The following TAS1R1 variants were observed in gnomAD, a reference collection of about 807,000 sequenced individuals.
The protein encoded by TAS1R1 is taste 1 receptor member 1, also known as taste receptor type 1 member 1.
TAS1R1 carries 31 observed loss-of-function variants against 45.8 expected under a neutral mutation model. The observed-to-expected ratio is 0.68, with a 90% CI of 0.51 to 0.91. The LOEUF is 0.91. Among genes scored for constraint, TAS1R1 ranks in the 40% least tolerant of loss-of-function variants. The pLI is 0.00. For missense variants in TAS1R1, 1,051 were observed against 1,063.9 expected (o/e 0.99, Z 0.17); for synonymous variants, 437 against 448.4 (o/e 0.97, Z 0.32).
Position 6,579,382 on chromosome 1 carries a change from C to T in TAS1R1, c.2324C>T (p.Ala775Val), listed in dbSNP as rs1273654412. 4 of 1,613,812 alleles carry T rather than the reference C, an allele frequency of 2.5e-6. No individual in the cohort carries two copies. The African/African-American group carries it at 4.0e-5, about 16-fold the overall frequency. The change falls in exon 6 of 6, where the codon GCC becomes GTC. Residue 775 changes from alanine (A) to valine (V), a missense_variant. Transcript: ENST00000333172. ...SLLFNFVSWIAFFTTASVYDG... is the reference protein window; with the variant it reads ...SLLFNFVSWIVFFTTASVYDG... ...CTCTTCAACTTCGTGTCCTGGATCG[C>T]CTTCTTCACCACGGCCAGCGTCTAC...
At chr1:6,576,654 G>C in intron 4 of TAS1R1, 27 bp downstream of exon 4, 1 of 1,607,900 alleles carries the variant, frequency 6.2e-7, no homozygotes, top group Non-Finnish European at 8.5e-7. Flanking sequence ...TACTCACCAT[G>C]TAACTGGCTT....
At position 6,575,081 on chromosome 1, in the gene TAS1R1, C is replaced by T. The variant is rs374935092; in HGVS notation, c.949C>T (p.Arg317Cys). The change falls in exon 3 of 6, where the codon CGC (arginine) becomes TGC (cysteine). Residue 317 changes from arginine to cysteine, a missense_variant. Arg to Cys is a radical substitution (Grantham distance 180, BLOSUM62 -3). Transcript: ENST00000333172. ...RHITGVPGIQRIGMVLGVAIQ... is the reference protein window; with the variant it reads ...RHITGVPGIQCIGMVLGVAIQ... Reference sequence around the variant, plus strand: ...CATCACTGGGGTGCCCGGGATCCAGCGCATTGGGATGGTGCTGGGCGTGGC... The same window carrying T: ...CATCACTGGGGTGCCCGGGATCCAGTGCATTGGGATGGTGCTGGGCGTGGC... The T allele has an allele frequency of 6.9e-6, 11 of 1,589,052 alleles. No individual in the cohort carries two copies. The highest frequency in any genetic ancestry group is 1.3e-5 in the African/African-American group (1 of 74,320).
rs140193828 is a variant in TAS1R1, at chr1:6,575,388, G to A, written c.1256G>A (p.Trp419Ter). The change falls in exon 3 of 6, where the codon TGG (tryptophan) becomes TAG (stop). Residue 419 changes from tryptophan (W) to a stop codon, truncating the protein, a stop_gained. Transcript: ENST00000333172. LOFTEE classifies it high-confidence loss of function. ...TGTTCCAGGGGCCGAGTCTACCCCT[G>A]GCAGGTAAGAGAGCCCACCCCAGCA... ...GACSRGRVYP[W>*]QLLEQIHKVH... 1.8e-3 allele frequency: 2,772 copies of A among 1,560,080 alleles called. 6 individuals are homozygous for A. Among genetic ancestry groups the A allele is most frequent in the Non-Finnish European group, 2.2e-3 (2,579 of 1,155,482 alleles).
At chr1:6,571,260 T>C (rs776022950) in intron 2 of TAS1R1, 45 bp downstream of exon 2, 2 of 1,515,156 alleles carry the variant, frequency 1.3e-6, no homozygotes, top group Non-Finnish European at 1.8e-6. Flanking sequence ...TTCAGGCAAG[T>C]CTGGGCTGGG....
chr1:6,576,667 G>A (rs756859256), intron 4 of TAS1R1, 40 bp downstream of exon 4: 105 of 1,604,044 alleles, frequency 6.5e-5, no homozygotes, highest in Non-Finnish European at 3.4e-6. Flanking sequence ...ACTGGCTTAT[G>A]GGCAACCTAG....
chr1:6,575,485 G>A, intron 3 of TAS1R1, 93 bp downstream of exon 3: 1 of 1,370,930 alleles, frequency 7.3e-7, no homozygotes, highest in Non-Finnish European at 9.6e-7. Flanking sequence ...TAAATGCCAA[G>A]GGGGATAAAT....
chr1:6,568,594 G>C (rs1486686030), intron 1 of TAS1R1, among the ~76,000 whole-genome samples: 3 of 152,152 alleles, frequency 2.0e-5, no homozygotes, highest in African/African-American at 7.2e-5. Flanking sequence ...GTTTCTTTAA[G>C]TTTTTCAAAA....
chr1:6,562,679 C>A (rs1639810440), intron 1 of TAS1R1, among the ~76,000 whole-genome samples: 1 of 152,120 alleles, frequency 6.6e-6, no homozygotes, highest in African/African-American at 2.4e-5. Flanking sequence ...CGGACTTGAG[C>A]TTTAATAGGG....
At position 6,571,216 on chromosome 1, in the gene TAS1R1, GT is replaced by G; in HGVS notation, c.498+2del. 3 of 1,556,844 alleles carry G rather than the reference GT, an allele frequency of 1.9e-6. No individual in the cohort carries two copies. On this transcript the variant is annotated splice_donor_variant, in intron 2 of 5. Coordinates refer to ENST00000333172, the MANE Select transcript of TAS1R1 (RefSeq NM_138697.4). LOFTEE classifies it high-confidence loss of function. ...GCTGAGCCCTTTCCTGGTGCCCATG[GT>G]AAGCTGGAGCCTCAGACCTTTGCCC...
At chr1:6,575,659 C>T (rs1158305577) in intron 3 of TAS1R1, among the ~76,000 whole-genome samples, 1 of 151,436 alleles carries the variant, frequency 6.6e-6, no homozygotes, top group East Asian at 1.9e-4. Flanking sequence ...GCTGGGATTA[C>T]AGGCACCCAC....
chr1:6,565,169 G>A (rs1287944283), intron 1 of TAS1R1, among the ~76,000 whole-genome samples: 1 of 152,188 alleles, frequency 6.6e-6, no homozygotes, highest in East Asian at 1.9e-4. Context: ...CAGTACGGGA[G>A]TGGGTGGGAG....
rs528695181 is a variant in TAS1R1 at position 6,579,594 on chromosome 1, C to T, written c.*10C>T. On this transcript the variant is annotated 3_prime_UTR_variant, in exon 6 of 6. Coordinates refer to ENST00000333172, the MANE Select transcript of TAS1R1 (RefSeq NM_138697.4). ...CTGCGGCTCCACCTGACCAGTGGGT[C>T]AGCAGGCACGGCTGGCAGCCTTCTC... is the stretch of plus-strand genomic sequence containing the variant. 3.1e-6 allele frequency: 5 copies of T among 1,591,876 alleles called. No homozygotes were observed. The South Asian group carries it at 5.6e-5, about 18-fold the overall frequency.
At chr1:6,568,737 A>G (rs1212685576) in intron 1 of TAS1R1, among the ~76,000 whole-genome samples, 3 of 152,274 alleles carry the variant, frequency 2.0e-5, no homozygotes, top group East Asian at 1.9e-4. Flanking sequence ...AGCAGCTCCT[A>G]CGGGCTTAGT....
At position 6,578,732 on chromosome 1, in the gene TAS1R1, GT is replaced by G. The variant is rs1447657517; in HGVS notation, c.1679del (p.Leu560TrpfsTer33). ...AGACCTGCTTCCCGCGCACTGTGGT[GT>G]TTTTGGCTTTGCGTGAGCACACCTC... ...SQTCFPRTVVFLALREHTSWV... is the reference protein window; with the variant it reads ...SQTCFPRTVVXLALREHTSWV... On this transcript the variant is annotated frameshift_variant, in exon 6 of 6. Coordinates refer to ENST00000333172, the MANE Select transcript of TAS1R1 (RefSeq NM_138697.4). LOFTEE classifies it low-confidence loss of function (END_TRUNC). 3.1e-6 allele frequency: 5 copies of G among 1,613,674 alleles called. No individual in the cohort carries two copies. Among genetic ancestry groups the G allele is most frequent in the Non-Finnish European group, 1.7e-6 (2 of 1,179,752 alleles).
At position 6,564,771 on chromosome 1, in the gene TAS1R1, G is replaced by A. The variant is rs180824883; in HGVS notation, c.192-6138G>A. On this transcript the variant is annotated intron_variant, in intron 1 of 5. Transcript: ENST00000333172. ...TTGGGCGACTACTGCGGCCTTTTCT[G>A]AAGAGGTCAGAAATGCTTCTACCCG... Among the ~76,000 whole-genome samples, 4 of 152,318 alleles carry A rather than the reference G, an allele frequency of 2.6e-5. No homozygotes were observed. The East Asian group carries it at 7.7e-4, about 29-fold the overall frequency.
Position 6,560,346 on chromosome 1 carries a change from G to A in TAS1R1, c.191+4782G>A, listed in dbSNP as rs545355167. Reference sequence around the variant, plus strand: ...CAAGCAGACCCAAAGTCAGGCAAGCGTTTAGTAACCTGCTGGGCTGCTCCA... The same window carrying A: ...CAAGCAGACCCAAAGTCAGGCAAGCATTTAGTAACCTGCTGGGCTGCTCCA... On this transcript the variant is annotated intron_variant, in intron 1 of 5. Coordinates refer to ENST00000333172, the MANE Select transcript of TAS1R1 (RefSeq NM_138697.4). Among the ~76,000 whole-genome samples, 11 of 152,346 alleles carry A rather than the reference G, an allele frequency of 7.2e-5. No homozygotes were observed. In the East Asian group the frequency reaches 1.9e-3, roughly 27 times the overall value.
chr1:6,578,865 C>T lies in TAS1R1; in HGVS notation c.1807C>T (p.Arg603Cys), dbSNP rs41278022. 11,660 of 1,608,798 alleles carry T rather than the reference C, an allele frequency of 7.2e-3. 66 individuals carry two copies. Among genetic ancestry groups the T allele is most frequent in the Non-Finnish European group, 8.6e-3 (10,154 of 1,176,284 alleles). The stretch of plus-strand genomic sequence containing the variant: ...CCCTGTGGTGAGGTCAGCAGGGGGC[C>T]GCCTGTGCTTTCTTATGCTGGGCTC... ...DTPVVRSAGG[R>C]LCFLMLGSLA... The change falls in exon 6 of 6, where the codon CGC becomes TGC. Residue 603 changes from arginine to cysteine, a missense_variant. Transcript: ENST00000333172.
chr1:6,577,741 T>C (rs904033285), intron 5 of TAS1R1, among the ~76,000 whole-genome samples: 4 of 151,996 alleles, frequency 2.6e-5, no homozygotes, highest in African/African-American at 7.3e-5. Flanking sequence ...GGCAGGAGAA[T>C]TGCTTGAACC....
chr1:6,560,971 C>T (rs1159414726), intron 1 of TAS1R1, among the ~76,000 whole-genome samples: 3 of 102,842 alleles, frequency 2.9e-5, no homozygotes, highest in South Asian at 3.6e-4. Context: ...GCGACAGAGT[C>T]GGAAGACTCT....
Sources: gnomAD v4.1 joint callset for allele counts (sites outside exome capture counted in the v4.1 genomes callset) on GRCh38, gnomAD v4.1.1 for gene constraint, MANE v1.5 for transcripts, NCBI Gene and HGNC (gene_info 2026-07-23, HGNC 2026-07-21) for gene names.